The following AFF3 variants were observed in gnomAD, a reference collection of about 807,000 sequenced individuals.
The protein encoded by AFF3 is AF4/FMR2 family member 3.
A neutral mutation model predicts 129.7 loss-of-function variants in AFF3; 32 were observed. The observed-to-expected ratio is 0.25, with a 90% CI of 0.19 to 0.33. The LOEUF (loss-of-function observed/expected upper bound fraction) is 0.33, where lower values mean the gene tolerates loss of function less well. Among genes scored for constraint, AFF3 ranks in the 10% least tolerant of loss-of-function variants. The pLI, the probability that AFF3 is intolerant of heterozygous loss-of-function variation, is 1.00. For missense variants in AFF3, 1,373 were observed against 1,592.0 expected, an observed-to-expected ratio of 0.86 and a Z score of 2.34; for synonymous variants, 644 against 635.4, an observed-to-expected ratio of 1.01 and a Z score of -0.20.
chr2:99,637,787 T>A (rs928661213), intron 13 of AFF3, among the ~76,000 whole-genome samples: 1 of 152,236 alleles, frequency 6.6e-6, no homozygotes, highest in Non-Finnish European at 1.5e-5. Context: ...TAATTCCAAC[T>A]ATGAGACGTC....
rs555444536 is a variant in AFF3, at chr2:99,601,492, G to A, written c.1314C>T (p.Thr438=). ...CCTCACTCTCGCTGGAGCTGCTCTC[G>A]GTCTCCGAGTCAGATCCGGAGCTGC... ...SESSSGSDSE[T]ESSSSESEGS... The change falls in exon 14 of 25, where the codon ACC becomes ACT. Residue 438 remains threonine (T), a synonymous_variant. Coordinates refer to ENST00000672756, the MANE Select transcript of AFF3 (RefSeq NM_001386135.1). The A allele has an allele frequency of 1.7e-5, 28 of 1,609,094 alleles. No individual in the cohort carries two copies. Among genetic ancestry groups the A allele is most frequent in the South Asian group, 1.7e-4 (15 of 89,928 alleles).
intron 8 of AFF3, among the ~76,000 whole-genome samples, chr2:99,816,017 C>A (rs903380907): frequency 4.0e-5 from 6 of 151,508 alleles, no homozygotes; most frequent in African/African-American, 7.3e-5. Flanking sequence ...TGATATTATC[C>A]AATAGGTCTT....
Position 100,106,296 on chromosome 2 carries a change from CCTCAA to C in AFF3, c.-144-718_-144-714del. ...ATTTTACAAGCTGATAACTCTCAGC[CCTCAA>C]AAACCCCTCTCATTAGCTGAAGGTA... On this transcript the variant is annotated intron_variant, in intron 2 of 24. Transcript: ENST00000672756. 6 of 1,167,812 alleles carry C rather than the reference CCTCAA, an allele frequency of 5.1e-6. No homozygotes were observed. In the South Asian group the frequency reaches 8.5e-5, roughly 17 times the overall value. 72.3% of individuals were successfully genotyped at this position (1,167,812 alleles called of 1,614,324 possible). A position where few individuals can be genotyped will look rare whatever the true frequency, so the allele number is the denominator to read the frequency against.
At chr2:99,810,952 C>T (rs1332438496) in intron 8 of AFF3, among the ~76,000 whole-genome samples, 1 of 152,122 alleles carries the variant, frequency 6.6e-6, no homozygotes, top group Non-Finnish European at 1.5e-5. Context: ...CTCTGTCTTC[C>T]TCCCCCACAT....
intron 13 of AFF3, among the ~76,000 whole-genome samples, chr2:99,607,295 G>A (rs1680462609): frequency 6.6e-6 from 1 of 152,174 alleles, no homozygotes; most frequent in Admixed American, 6.5e-5. Context: ...CACTTTGGGA[G>A]GCTGAGGCAG....
intron 8 of AFF3, among the ~76,000 whole-genome samples, chr2:99,800,434 AAAC>A (rs760049396): frequency 6.6e-6 from 1 of 152,206 alleles, no homozygotes; most frequent in Non-Finnish European, 1.5e-5. Context: ...GGATGTGGAG[AAAC>A]AACAACTCTC....
At chr2:99,616,716 A>T (rs2105263845) in intron 13 of AFF3, among the ~76,000 whole-genome samples, 1 of 152,262 alleles carries the variant, frequency 6.6e-6, no homozygotes, top group East Asian at 1.9e-4. Flanking sequence ...AGATCGCGCC[A>T]CTGCACTCCA....
intron 8 of AFF3, among the ~76,000 whole-genome samples, chr2:99,784,272 A>G (rs1684622135): frequency 6.6e-6 from 1 of 152,228 alleles, no homozygotes; most frequent in African/African-American, 2.4e-5. Flanking sequence ...GAGTCTCCAC[A>G]AGTCTGCCGT....
chr2:99,714,709 T>A lies in AFF3; in HGVS notation c.1091+12368A>T, dbSNP rs370035307. On this transcript the variant is annotated intron_variant, in intron 11 of 24. Coordinates refer to ENST00000672756, the MANE Select transcript of AFF3 (RefSeq NM_001386135.1). ...ATCTCTCAACTTCCAGACACTACTC[T>A]ATGATCAGTTTGTGTAACCTTATTG... Among the ~76,000 whole-genome samples the A allele has an allele frequency of 1.3e-4, 20 of 152,358 alleles. 1 individual carries two copies. The South Asian group carries it at 1.7e-3, about 13-fold the overall frequency.
chr2:99,897,847 G>GA (rs994842190), intron 7 of AFF3, among the ~76,000 whole-genome samples: 1 of 152,156 alleles, frequency 6.6e-6, no homozygotes, highest in Non-Finnish European at 1.5e-5. Flanking sequence ...ATACGTAGTT[G>GA]AAAAAAAGAT....
intron 13 of AFF3, among the ~76,000 whole-genome samples, chr2:99,622,611 G>A (rs991764223): frequency 1.3e-5 from 2 of 152,174 alleles, no homozygotes; most frequent in Non-Finnish European, 1.5e-5. Context: ...GAGCAATCTC[G>A]CTTCCAGAAA....
At chr2:99,969,834 T>A (rs1165503083) in intron 7 of AFF3, among the ~76,000 whole-genome samples, 3 of 152,206 alleles carry the variant, frequency 2.0e-5, no homozygotes, top group Non-Finnish European at 4.4e-5. Flanking sequence ...AATTAACACC[T>A]ACCAATACAA....
At position 100,061,853 on chromosome 2, in the gene AFF3, G is replaced by GT. The variant is rs1559097051; in HGVS notation, c.53+42548dup. Among the ~76,000 whole-genome samples, 13 of 113,098 alleles carry GT rather than the reference G, an allele frequency of 1.1e-4. 1 individual carries two copies. Among genetic ancestry groups the GT allele is most frequent in the Non-Finnish European group, 1.9e-4 (10 of 51,798 alleles). 74.2% of individuals were successfully genotyped at this position (113,098 alleles called of 152,430 possible). On this transcript the variant is annotated intron_variant, in intron 4 of 24. Transcript: ENST00000672756. The stretch of plus-strand genomic sequence containing the variant: ...CATCACCAAAGAGATGGGTAGCACA[G>GT]TGGAGGGGGGGGGGGTGCCGACTCT...
chr2:99,711,814 G>C (rs1336415912), intron 11 of AFF3, among the ~76,000 whole-genome samples: 1 of 152,168 alleles, frequency 6.6e-6, no homozygotes, highest in African/African-American at 2.4e-5. Context: ...ACATTGGGAG[G>C]AAGCACAGGC....
intron 13 of AFF3, among the ~76,000 whole-genome samples, chr2:99,643,198 T>C (rs1684374942): frequency 6.6e-6 from 1 of 151,872 alleles, no homozygotes. Context: ...TAGCTGGGAT[T>C]ACAGGTGCAC....
chr2:99,896,620 C>CTT (rs35573862), intron 7 of AFF3, among the ~76,000 whole-genome samples: 2,976 of 36,070 alleles, frequency 0.083, 1,187 homozygotes, highest in Middle Eastern at 0.11. Flanking sequence ...TGTCAAAATG[C>CTT]TTTTTTTTTT....
In AFF3 at chr2:100,006,767, A is replaced by C; in HGVS notation, c.738T>G (p.Asp246Glu). ...AAGACGACTTCAGCTTAGGAGACTC[A>C]TCAGGGGCCTGATCTTGGCCGTCCA... ...RPMDGQDQAP[D>E]ESPKLKSSSE... The change falls in exon 7 of 25, where the codon GAT (aspartate) becomes GAG (glutamate). Residue 246 changes from aspartate to glutamate, a missense_variant. This residue lies in a region of AFF3 where 413 missense variants were observed against 424.4 expected (regional missense o/e 0.97). Coordinates refer to ENST00000672756, the MANE Select transcript of AFF3 (RefSeq NM_001386135.1). The C allele has an allele frequency of 6.2e-7, 1 of 1,614,216 alleles. No homozygotes were observed.
intron 19 of AFF3, among the ~76,000 whole-genome samples, chr2:99,566,100 C>T (rs13401911): frequency 6.7e-6 from 1 of 150,156 alleles, no homozygotes; most frequent in South Asian, 2.1e-4. Flanking sequence ...TATCTCCATG[C>T]CTTCCTCTTC....
intron 12 of AFF3, among the ~76,000 whole-genome samples, chr2:99,661,108 A>G (rs1004046908): frequency 1.3e-5 from 2 of 152,182 alleles, no homozygotes; most frequent in Non-Finnish European, 2.9e-5. Context: ...AAGGAACAAC[A>G]TCTCTTGTAG....
Sources: gnomAD v4.1 joint callset for allele counts (sites outside exome capture counted in the v4.1 genomes callset) on GRCh38, gnomAD v4.1.1 for gene constraint, gnomAD v4.1.1 regional missense constraint, MANE v1.5 for transcripts, NCBI Gene and HGNC (gene_info 2026-07-23, HGNC 2026-07-21) for gene names.